DNAJC1: variants seen among roughly 807,000 people sequenced by gnomAD.
DNAJC1 encodes the protein dnaJ homolog subfamily C member 1.
Under a neutral mutation model 76.6 loss-of-function variants are expected in DNAJC1, and 58 were observed. The observed-to-expected ratio is 0.76, with a 90% CI of 0.61 to 0.94. The LOEUF is 0.94. Among genes scored for constraint, DNAJC1 ranks in the 40% least tolerant of loss-of-function variants. The pLI is 0.00. For missense variants in DNAJC1, 689 were observed against 677.3 expected, an observed-to-expected ratio of 1.02 and a Z score of -0.19; for synonymous variants, 258 against 267.9, an observed-to-expected ratio of 0.96 and a Z score of 0.36.
chr10:21,868,456 AACTGTAGT>A (rs1836046033), intron 8 of DNAJC1, among the ~76,000 whole-genome samples: 1 of 152,038 alleles, frequency 6.6e-6, no homozygotes, highest in East Asian at 1.9e-4. Flanking sequence ...TAATTACATG[AACTGTAGT>A]ACAGGCATAC....
At chr10:21,802,446 T>C (rs1016968370) in intron 9 of DNAJC1, among the ~76,000 whole-genome samples, 2 of 152,102 alleles carry the variant, frequency 1.3e-5, no homozygotes, top group African/African-American at 2.4e-5. Flanking sequence ...TATATAAATT[T>C]CCCCCAATAG....
chr10:21,824,079 T>C (rs1335247747), intron 8 of DNAJC1, among the ~76,000 whole-genome samples: 1 of 152,196 alleles, frequency 6.6e-6, no homozygotes, highest in African/African-American at 2.4e-5. Flanking sequence ...AATGAATGAC[T>C]GGTTGATTAG....
At chr10:21,837,953 G>A (rs572035442) in intron 8 of DNAJC1, among the ~76,000 whole-genome samples, 9 of 148,434 alleles carry the variant, frequency 6.1e-5, no homozygotes, top group South Asian at 4.2e-4. Flanking sequence ...CGCCCCGGCC[G>A]GGAGGGAGGT....
intron 7 of DNAJC1, among the ~76,000 whole-genome samples, chr10:21,893,811 GAAGT>G (rs2131733855): frequency 6.6e-6 from 1 of 151,588 alleles, no homozygotes; most frequent in East Asian, 2.0e-4. Context: ...CAGAAGGAAG[GAAGT>G]AATAAAAATA....
rs545284962 is a variant in DNAJC1, at chr10:21,927,474, G to C, written c.371+1032C>G. Among the ~76,000 whole-genome samples, 78 of 152,102 alleles carry C rather than the reference G, an allele frequency of 5.1e-4. 3 individuals are homozygous for C. The highest frequency in any genetic ancestry group is 2.2e-4 in the Non-Finnish European group (15 of 68,018). ...CTGGCTTTTGCCTAAATGTCAAATA[G>C]CCAGGTGTTGTTTTGTTTTGTTTTT... On this transcript the variant is annotated intron_variant, in intron 3 of 11. Coordinates refer to ENST00000376980, the MANE Select transcript of DNAJC1 (RefSeq NM_022365.4).
intron 1 of DNAJC1, among the ~76,000 whole-genome samples, chr10:21,971,164 A>G (rs1490626050): frequency 6.6e-6 from 1 of 151,828 alleles, no homozygotes; most frequent in Admixed American, 6.6e-5. Flanking sequence ...ATAACTATCT[A>G]ATCTTACATG....
intron 8 of DNAJC1, among the ~76,000 whole-genome samples, chr10:21,876,744 A>C (rs1481766364): frequency 6.6e-6 from 1 of 152,220 alleles, no homozygotes; most frequent in Non-Finnish European, 1.5e-5. Flanking sequence ...AGACCTACAC[A>C]GTTATGGACA....
intron 8 of DNAJC1, among the ~76,000 whole-genome samples, chr10:21,856,127 T>C (rs1002328431): frequency 2.0e-5 from 3 of 152,172 alleles, no homozygotes; most frequent in African/African-American, 7.2e-5. Flanking sequence ...TGAAGGTAGA[T>C]ATTATCTCTA....
intron 8 of DNAJC1, among the ~76,000 whole-genome samples, chr10:21,851,071 TA>T (rs1260322653): frequency 2.6e-5 from 4 of 152,058 alleles, no homozygotes; most frequent in East Asian, 3.8e-4. Flanking sequence ...GAAGAAAGCA[TA>T]GGGGTAAAAT....
chr10:21,906,844 T>A lies in DNAJC1; in HGVS notation c.730-2232A>T, dbSNP rs146261043. Among the ~76,000 whole-genome samples, 33 of 152,326 alleles carry A rather than the reference T, an allele frequency of 2.2e-4. No homozygotes were observed. The East Asian group carries it at 6.0e-3, about 28-fold the overall frequency. On this transcript the variant is annotated intron_variant, in intron 6 of 11. Transcript: ENST00000376980. ...TACCTGGGAAACAGTTAGAATGATATCTTCTACACAGTTAGGCCTTATATG... is the reference window on the plus strand; with the variant it reads ...TACCTGGGAAACAGTTAGAATGATAACTTCTACACAGTTAGGCCTTATATG...
At chr10:21,779,487 T>C (rs758386831) in intron 9 of DNAJC1, among the ~76,000 whole-genome samples, 3 of 152,176 alleles carry the variant, frequency 2.0e-5, no homozygotes, top group Non-Finnish European at 4.4e-5. Context: ...GCAAACAGGG[T>C]CTGGAGTGGA....
intron 1 of DNAJC1, among the ~76,000 whole-genome samples, chr10:21,974,298 T>C (rs1310100835): frequency 6.6e-6 from 1 of 152,104 alleles, no homozygotes; most frequent in African/African-American, 2.4e-5. Context: ...CTGACTAGAA[T>C]GTCAAATACC....
chr10:21,874,432 TAA>T (rs529885111), intron 8 of DNAJC1, among the ~76,000 whole-genome samples: 92 of 129,074 alleles, frequency 7.1e-4, no homozygotes, highest in Non-Finnish European at 7.0e-4. Context: ...ACCTGGTCTG[TAA>T]AAAAAAAAAA....
chr10:21,933,495 A>G (rs1224902972), intron 1 of DNAJC1: 1 of 152,222 alleles, frequency 6.6e-6, no homozygotes, highest in Non-Finnish European at 1.5e-5. Context: ...GACAGAGCAC[A>G]TGCTCAGAAA....
intron 8 of DNAJC1, among the ~76,000 whole-genome samples, chr10:21,825,011 G>A (rs1338206746): frequency 6.6e-6 from 1 of 152,086 alleles, no homozygotes; most frequent in Non-Finnish European, 1.5e-5. Context: ...CCTGACCTCA[G>A]GTGGATCCAC....
chr10:21,930,789 TGATGAATCC>T (rs745950953), intron 1 of DNAJC1, among the ~76,000 whole-genome samples: 1 of 152,208 alleles, frequency 6.6e-6, no homozygotes, highest in Non-Finnish European at 1.5e-5. Flanking sequence ...TGAAAATCTG[TGATGAATCC>T]TATTGTTGAG....
chr10:21,996,197 T>C (rs1397617829), intron 1 of DNAJC1, among the ~76,000 whole-genome samples: 1 of 152,148 alleles, frequency 6.6e-6, no homozygotes, highest in Non-Finnish European at 1.5e-5. Flanking sequence ...TTTGGAATTG[T>C]TTTCAACTAG....
At chr10:21,896,791 T>G (rs896589325) in intron 7 of DNAJC1, among the ~76,000 whole-genome samples, 5 of 152,102 alleles carry the variant, frequency 3.3e-5, no homozygotes, top group African/African-American at 1.2e-4. Flanking sequence ...CTTCCAAAAT[T>G]TATGTGGAAG....
intron 8 of DNAJC1, among the ~76,000 whole-genome samples, chr10:21,866,389 C>T (rs1564811970): frequency 6.6e-6 from 1 of 151,362 alleles, no homozygotes; most frequent in African/African-American, 2.4e-5. Flanking sequence ...AAAGAAAGCT[C>T]GATTAGTTAT....
Sources: gnomAD v4.1 joint callset for allele counts (sites outside exome capture counted in the v4.1 genomes callset) on GRCh38, gnomAD v4.1.1 for gene constraint, MANE v1.5 for transcripts, NCBI Gene and HGNC (gene_info 2026-07-23, HGNC 2026-07-21) for gene names.